CNTNAP2: variants seen among roughly 807,000 people sequenced by gnomAD.
The protein encoded by CNTNAP2 is contactin associated protein 2.
CNTNAP2 carries 98 observed loss-of-function variants against 155.2 expected under a neutral mutation model. The observed-to-expected ratio is 0.63, with a 90% CI of 0.54 to 0.75. The LOEUF is 0.75. Ranked by LOEUF, CNTNAP2 falls within the 30% of genes least tolerant of loss-of-function variation. The pLI is 0.00. For synonymous variants in CNTNAP2, 651 were observed against 631.2 expected (o/e 1.03, Z -0.47); for missense variants, 1,727 against 1,688.1 (o/e 1.02, Z -0.40).
chr7:148,150,188 G>A (rs911654299), intron 17 of CNTNAP2, among the ~76,000 whole-genome samples: 6 of 151,212 alleles, frequency 4.0e-5, no homozygotes, highest in Admixed American at 6.6e-5. Flanking sequence ...CGAGGCAGGC[G>A]GATCATGAGT....
At chr7:148,266,990 T>A (rs1363590230) in intron 20 of CNTNAP2, 43 bp from the exon 21 acceptor site, 1 of 1,570,246 alleles carries the variant, frequency 6.4e-7, no homozygotes, top group Admixed American at 1.7e-5. Flanking sequence ...CCACACAGGG[T>A]AGAGACGTGC....
intron 1 of CNTNAP2, among the ~76,000 whole-genome samples, chr7:146,528,302 G>T (rs1192284167): frequency 1.3e-5 from 2 of 152,160 alleles, no homozygotes; most frequent in Non-Finnish European, 2.9e-5. Flanking sequence ...AGCCTGTTGG[G>T]TTCAATTCCT....
intron 22 of CNTNAP2, among the ~76,000 whole-genome samples, chr7:148,401,182 C>T (rs1038528359): frequency 6.6e-5 from 10 of 152,206 alleles, no homozygotes; most frequent in Non-Finnish European, 1.0e-4. Flanking sequence ...CTGATCCAGA[C>T]TTTCAAGGTT....
At chr7:146,273,162 C>A (rs1313026282) in intron 1 of CNTNAP2, among the ~76,000 whole-genome samples, 1 of 149,342 alleles carries the variant, frequency 6.7e-6, no homozygotes, top group African/African-American at 2.5e-5. Context: ...AGAGGCAAAG[C>A]CACAAATTTC....
intron 1 of CNTNAP2, among the ~76,000 whole-genome samples, chr7:146,702,204 C>G (rs1800889347): frequency 4.0e-5 from 6 of 151,892 alleles, no homozygotes; most frequent in Admixed American, 2.0e-4. Context: ...AGCTGAAGCA[C>G]TGTATAAAAT....
intron 21 of CNTNAP2, among the ~76,000 whole-genome samples, chr7:148,356,308 TA>T (rs35933327): frequency 0.33 from 49,403 of 151,988 alleles, 9,102 homozygotes; most frequent in East Asian, 0.64. Context: ...AACTCACTCT[TA>T]AAAAAAATCC....
chr7:148,004,353 T>G (rs1368532353), intron 15 of CNTNAP2, among the ~76,000 whole-genome samples: 1 of 152,214 alleles, frequency 6.6e-6, no homozygotes, highest in Non-Finnish European at 1.5e-5. Context: ...ATTTGAATTA[T>G]TACTACATAA....
chr7:146,761,666 T>C (rs1802103034), intron 1 of CNTNAP2, among the ~76,000 whole-genome samples: 1 of 151,514 alleles, frequency 6.6e-6, no homozygotes, highest in South Asian at 2.1e-4. Context: ...TCATACCATC[T>C]TTTTTTTTAA....
intron 15 of CNTNAP2, among the ~76,000 whole-genome samples, chr7:148,101,253 T>G (rs1168011788): frequency 1.3e-5 from 2 of 151,970 alleles, no homozygotes; most frequent in African/African-American, 2.4e-5. Flanking sequence ...CTGAACATTG[T>G]ACACATGTAC....
chr7:148,331,180 AT>A (rs1797997325), intron 21 of CNTNAP2, among the ~76,000 whole-genome samples: 1 of 148,684 alleles, frequency 6.7e-6, no homozygotes, highest in African/African-American at 2.5e-5. Context: ...GAATGGATGG[AT>A]GGAATGGATG....
chr7:147,802,399 C>G (rs1411121264), intron 13 of CNTNAP2, among the ~76,000 whole-genome samples: 1 of 152,070 alleles, frequency 6.6e-6, no homozygotes, highest in Non-Finnish European at 1.5e-5. Context: ...GCTGCAATCT[C>G]GGCACTTTGG....
At chr7:147,312,596 A>C (rs12381327) in intron 9 of CNTNAP2, among the ~76,000 whole-genome samples, 14,693 of 72,090 alleles carry the variant, frequency 0.2, 2,665 homozygotes, top group Middle Eastern at 0.28. Flanking sequence ...TGAACTCATC[A>C]TTTTTTATGG....
At chr7:147,174,790 G>T (rs1802302688) in intron 8 of CNTNAP2, among the ~76,000 whole-genome samples, 1 of 152,086 alleles carries the variant, frequency 6.6e-6, no homozygotes, top group Non-Finnish European at 1.5e-5. Flanking sequence ...TTTTATTCAT[G>T]ATGGAAATAA....
At chr7:148,335,183 G>T (rs182575859) in intron 21 of CNTNAP2, among the ~76,000 whole-genome samples, 1 of 152,192 alleles carries the variant, frequency 6.6e-6, no homozygotes, top group Non-Finnish European at 1.5e-5. Context: ...AAGAGCTCCC[G>T]TGGCTCAAGA....
chr7:146,644,842 G>T (rs1799782118), intron 1 of CNTNAP2, among the ~76,000 whole-genome samples: 1 of 152,066 alleles, frequency 6.6e-6, no homozygotes, highest in Non-Finnish European at 1.5e-5. Flanking sequence ...ATAATCAGTA[G>T]CTTACCAACC....
chr7:146,552,744 C>T (rs192876918), intron 1 of CNTNAP2, among the ~76,000 whole-genome samples: 1 of 152,008 alleles, frequency 6.6e-6, no homozygotes, highest in Non-Finnish European at 1.5e-5. Flanking sequence ...TTGACTCTTC[C>T]CCTCTGCTCT....
chr7:147,122,721 C>A (rs1435509872), intron 6 of CNTNAP2: 3 of 152,186 alleles, frequency 2.0e-5, no homozygotes, highest in African/African-American at 4.8e-5. Flanking sequence ...GAGTTTCACA[C>A]AATGTCCAAA....
intron 19 of CNTNAP2, among the ~76,000 whole-genome samples, chr7:148,219,007 A>G (rs1795696092): frequency 7.1e-6 from 1 of 141,382 alleles, no homozygotes; most frequent in African/African-American, 2.7e-5. Flanking sequence ...CAGTGGCGCA[A>G]TCTCGGCTCA....
At chr7:148,120,194 C>G (rs1804569825) in intron 16 of CNTNAP2, among the ~76,000 whole-genome samples, 2 of 146,570 alleles carry the variant, frequency 1.4e-5, no homozygotes, top group East Asian at 4.0e-4. Context: ...TAAGAAGGAA[C>G]ACATACTAGA....
Sources: gnomAD v4.1 joint callset for allele counts (sites outside exome capture counted in the v4.1 genomes callset) on GRCh38, gnomAD v4.1.1 for gene constraint, MANE v1.5 for transcripts, NCBI Gene and HGNC (gene_info 2026-07-23, HGNC 2026-07-21) for gene names.